The following MPHOSPH9 variants were observed in gnomAD, a reference collection of about 807,000 sequenced individuals.
MPHOSPH9 encodes the protein M-phase phosphoprotein 9.
In MPHOSPH9, 88 loss-of-function variants were observed where a neutral mutation model predicts 145.5. The observed-to-expected ratio is 0.60, with a 90% CI of 0.51 to 0.72. The LOEUF (loss-of-function observed/expected upper bound fraction) is 0.72. MPHOSPH9 is among the 30% of genes least tolerant of loss of function. The pLI, the probability that MPHOSPH9 is intolerant of heterozygous loss-of-function variation, is 0.00. For missense variants in MPHOSPH9, 1,238 were observed against 1,386.6 expected (o/e 0.89, Z 1.70); for synonymous variants, 435 against 486.2 (o/e 0.89, Z 1.39).
downstream of MPHOSPH9, chr12:123,152,466 A>T (rs1029202332): frequency 1.2e-4 from 52 of 420,434 alleles, no homozygotes; most frequent in Admixed American, 4.6e-4. Context: ...ACCCACCAGC[A>T]GCACTGTAAA....
intron 4 of MPHOSPH9, among the ~76,000 whole-genome samples, chr12:123,222,484 T>G (rs1188330918): frequency 1.3e-5 from 2 of 151,758 alleles, no homozygotes; most frequent in African/African-American, 4.8e-5. Context: ...GCCAACATGG[T>G]TGGTACTAAA....
At chr12:123,212,658 C>A (rs544768343) in intron 7 of MPHOSPH9, among the ~76,000 whole-genome samples, 1 of 144,092 alleles carries the variant, frequency 6.9e-6, no homozygotes, top group Non-Finnish European at 1.5e-5. Flanking sequence ...TTACAGTAAG[C>A]CGAGATCACA....
At chr12:123,165,015 CAA>C (rs35219995) in intron 18 of MPHOSPH9, among the ~76,000 whole-genome samples, 7 of 83,242 alleles carry the variant, frequency 8.4e-5, no homozygotes, top group South Asian at 5.1e-4. Flanking sequence ...CTCACTGTCT[CAA>C]AAAAAAAAAA....
chr12:123,176,341 A>T (rs1488128177), intron 16 of MPHOSPH9, among the ~76,000 whole-genome samples: 1 of 152,158 alleles, frequency 6.6e-6, no homozygotes, highest in African/African-American at 2.4e-5. Flanking sequence ...AAATGTCTGA[A>T]ATTTTAGGGC....
Position 123,221,740 on chromosome 12 carries a change from A to T in MPHOSPH9, c.504T>A (p.His168Gln). The change falls in exon 5 of 24, where the codon CAT becomes CAA. Residue 168 changes from histidine (H) to glutamine (Q), a missense_variant. Physicochemically the swap from His to Gln is conservative, Grantham distance 24. Transcript: ENST00000606320. ...LSSERNESVI[H>Q]YPESTEPEIQ... ...TTTCAGGTTCTGTGGATTCAGGATA[A>T]TGGATAACAGATTCATTTCTCTCAC... is the stretch of plus-strand genomic sequence containing the variant. 6.2e-7 allele frequency: 1 copy of T among 1,614,150 alleles called. No homozygotes were observed. The highest frequency in any genetic ancestry group is 1.1e-5 in the South Asian group (1 of 91,078).
chr12:123,174,976 C>T (rs1351303519), intron 16 of MPHOSPH9, among the ~76,000 whole-genome samples: 3 of 152,064 alleles, frequency 2.0e-5, no homozygotes, highest in Non-Finnish European at 4.4e-5. Context: ...TTTCTGTGAC[C>T]ACCACCTAGC....
intron 5 of MPHOSPH9, among the ~76,000 whole-genome samples, chr12:123,220,642 G>A (rs1260905656): frequency 6.6e-6 from 1 of 152,020 alleles, no homozygotes; most frequent in African/African-American, 2.4e-5. Context: ...CATAGCACGC[G>A]CTCATAGTCC....
At position 123,159,360 on chromosome 12, in the gene MPHOSPH9, T is replaced by A. The variant is rs2044007338; in HGVS notation, c.3450+1421A>T. Among the ~76,000 whole-genome samples the A allele has an allele frequency of 6.6e-6, 1 of 152,080 alleles. No individual in the cohort carries two copies. The highest frequency in any genetic ancestry group is 1.5e-5 in the Non-Finnish European group (1 of 68,014). Reference sequence around the variant, plus strand: ...TTGTATTTTTAGTAGAGATGGGGTTTTGCCATGTTGGCCAGGCTGGTCTTG... The same window carrying A: ...TTGTATTTTTAGTAGAGATGGGGTTATGCCATGTTGGCCAGGCTGGTCTTG... On this transcript the variant is annotated intron_variant, in intron 23 of 23. Coordinates refer to ENST00000606320, the MANE Select transcript of MPHOSPH9 (RefSeq NM_022782.4). The surrounding 1 kb of genome is among the most constrained non-coding windows in gnomAD (Gnocchi z 4.3).
At chr12:123,210,423 T>C (rs889680615) in intron 7 of MPHOSPH9, among the ~76,000 whole-genome samples, 2 of 152,148 alleles carry the variant, frequency 1.3e-5, no homozygotes, top group African/African-American at 2.4e-5. Context: ...CCAGGCATGG[T>C]AGCTCACGCC....
chr12:123,176,290 G>A (rs2044860123), intron 16 of MPHOSPH9, among the ~76,000 whole-genome samples: 1 of 152,112 alleles, frequency 6.6e-6, no homozygotes, highest in Non-Finnish European at 1.5e-5. Flanking sequence ...ACAACCTAAT[G>A]AAGATCCATC....
chr12:123,206,786 T>A (rs1006464011), intron 8 of MPHOSPH9, among the ~76,000 whole-genome samples: 6 of 151,840 alleles, frequency 4.0e-5, no homozygotes, highest in Non-Finnish European at 8.8e-5. Context: ...TGGTAGTGCA[T>A]GCCTGTAGTC....
Position 123,207,869 on chromosome 12 carries a change from GAA to G in MPHOSPH9, c.1194+2185_1194+2186del, listed in dbSNP as rs56034849. Among the ~76,000 whole-genome samples, 194 of 143,258 alleles carry G rather than the reference GAA, an allele frequency of 1.4e-3. 1 individual carries two copies. The highest frequency in any genetic ancestry group is 3.8e-3 in the African/African-American group (146 of 38,568). The allele number at this position is 143,258 out of a possible 152,430, so 94.0% of individuals were successfully genotyped here. A position where few individuals can be genotyped will look rare whatever the true frequency, so the allele number is the denominator to read the frequency against. On this transcript the variant is annotated intron_variant, in intron 8 of 23. Coordinates refer to ENST00000606320, the MANE Select transcript of MPHOSPH9 (RefSeq NM_022782.4). ...CTCCGCCTCAAAGAAAAAAAAAAAA[GAA>G]AAAAAAAAATACAGAGGTGAAATAG...
chr12:123,181,802 G>A (rs2045164715), intron 13 of MPHOSPH9, among the ~76,000 whole-genome samples: 1 of 152,040 alleles, frequency 6.6e-6, no homozygotes, highest in African/African-American at 2.4e-5. Context: ...GGGAGGTTGA[G>A]ACTGCAGTGA....
chr12:123,157,374 T>C lies in MPHOSPH9; in HGVS notation c.3451-466A>G, dbSNP rs2043912285. ...AGGAAAAAAAAAAAACACTGAAGGA[T>C]ACTTTTCTTAAAAAAAAAAATAGAT... On this transcript the variant is annotated intron_variant, in intron 23 of 23. Transcript: ENST00000606320. Among the ~76,000 whole-genome samples, 4 of 79,682 alleles carry C rather than the reference T, an allele frequency of 5.0e-5. No individual in the cohort carries two copies. In the South Asian group the frequency reaches 1.1e-3, roughly 22 times the overall value. 52.3% of individuals were successfully genotyped at this position (79,682 alleles called of 152,430 possible). A position where few individuals can be genotyped will look rare whatever the true frequency, so the allele number is the denominator to read the frequency against.
At chr12:123,194,360 T>C in intron 13 of MPHOSPH9, 26 bp downstream of exon 13, 1 of 1,405,802 alleles carries the variant, frequency 7.1e-7, no homozygotes, top group Non-Finnish European at 9.8e-7. Flanking sequence ...AATCACGTCA[T>C]TAAGTTACTA....
In MPHOSPH9 at chr12:123,221,851, A is replaced by C. The variant is rs1179148337; in HGVS notation, c.393T>G (p.Ser131Arg). Residue 131 changes from serine to arginine, a missense_variant, in exon 5 of 24, where the codon AGT (serine) becomes AGG (arginine). Physicochemically the swap from Ser to Arg is moderately radical, Grantham distance 110. Transcript: ENST00000606320. ...EIKNLVKLQT[S>R]SASLASCEGN... ...CTTCACAGGAAGCTAAGGAAGCACT[A>C]CTAGTCTGTAATTTGACTAAATTTT... 3 of 1,602,814 alleles carry C rather than the reference A, an allele frequency of 1.9e-6. No homozygotes were observed. In the Admixed American group the frequency reaches 5.2e-5, roughly 28 times the overall value.
At chr12:123,175,300 G>A (rs1300876582) in intron 16 of MPHOSPH9, among the ~76,000 whole-genome samples, 1 of 152,078 alleles carries the variant, frequency 6.6e-6, no homozygotes, top group Non-Finnish European at 1.5e-5. Flanking sequence ...ACAGGCGCCA[G>A]CCACCGCGCC....
intron 1 of MPHOSPH9, among the ~76,000 whole-genome samples, chr12:123,242,897 G>A (rs1298039162): frequency 6.6e-6 from 1 of 152,170 alleles, no homozygotes; most frequent in Non-Finnish European, 1.5e-5. Context: ...CAGAAGTGCG[G>A]GGCTCATGTT....
In MPHOSPH9 at chr12:123,206,511, G is replaced by GAGAA. The variant is rs1565950068; in HGVS notation, c.1195-3137_1195-3136insTTCT. 8.2e-3 allele frequency among the ~76,000 whole-genome samples: 724 copies of GAGAA among 87,912 alleles called. 5 individuals are homozygous for GAGAA. Among genetic ancestry groups the GAGAA allele is most frequent in the African/African-American group, 0.03 (683 of 23,010 alleles). The allele number at this position is 87,912 out of a possible 152,430, so 57.7% of individuals were successfully genotyped here. A position where few individuals can be genotyped will look rare whatever the true frequency, so the allele number is the denominator to read the frequency against. On this transcript the variant is annotated intron_variant, in intron 8 of 23. Coordinates refer to ENST00000606320, the MANE Select transcript of MPHOSPH9 (RefSeq NM_022782.4). ...GGAGAAGAGAAGAGAGGAGAGGAGA[G>GAGAA]GAGAAGAGAAGAGAAGAGATGAGAA... is the stretch of plus-strand genomic sequence containing the variant.
Sources: gnomAD v4.1 joint callset for allele counts (sites outside exome capture counted in the v4.1 genomes callset) on GRCh38, gnomAD v4.1.1 for gene constraint, Gnocchi (gnomAD v3.1) non-coding constraint, MANE v1.5 for transcripts, NCBI Gene and HGNC (gene_info 2026-07-23, HGNC 2026-07-21) for gene names.